Variants in VMAC observed in about 807,000 individuals in gnomAD.
VMAC encodes the protein vimentin-type intermediate filament-associated coiled-coil protein.
A neutral mutation model predicts 4.8 loss-of-function variants in VMAC; 8 were observed. The observed-to-expected ratio is 1.68, with a 90% CI of 0.99 to 3.03. The LOEUF is 3.03. VMAC is among the 30% of genes most tolerant of loss of function. The pLI, the probability that VMAC is intolerant of heterozygous loss-of-function variation, is 0.00. For synonymous variants in VMAC, 96 were observed against 113.7 expected, an observed-to-expected ratio of 0.84 and a Z score of 0.99; for missense variants, 248 against 245.1, an observed-to-expected ratio of 1.01 and a Z score of -0.08.
At chr19:5,905,979 C>A (rs567729930) in intron 1 of VMAC, among the ~76,000 whole-genome samples, 34 of 151,564 alleles carry the variant, frequency 2.2e-4, no homozygotes, top group African/African-American at 7.3e-4. Context: ...ACAGGCTAAG[C>A]CACCATGCCT....
rs896992936 is a variant in VMAC at position 5,905,022 on chromosome 19, G to A, written c.132G>A (p.Leu44=). The change falls in exon 1 of 2, where the codon CTG becomes CTA. Residue 44 remains leucine, a synonymous_variant. Transcript: ENST00000339485. ...CGGTGCACGCCCAAGCCGAGCGCCT[G>A]GCCCTCCACGACCAGCAGCTGCGCG... The part of the protein sequence containing the change: ...ERTVHAQAER[L]ALHDQQLRAA... 1.4e-6 allele frequency: 2 copies of A among 1,403,926 alleles called. No individual in the cohort carries two copies. The highest frequency in any genetic ancestry group is 1.8e-6 in the Non-Finnish European group (2 of 1,087,202). 87.0% of individuals were successfully genotyped at this position (1,403,926 alleles called of 1,614,324 possible).
chr19:5,908,684 C>T lies in VMAC; in HGVS notation c.192-140C>T, dbSNP rs559901676. ...AACAAAGAAACATTCTGTTCATAAC[C>T]AGGGAGGACCCTGAGGCAGTGGTGA... is the stretch of plus-strand genomic sequence containing the variant. On this transcript the variant is annotated intron_variant, in intron 1 of 1. Coordinates refer to ENST00000339485, the MANE Select transcript of VMAC (RefSeq NM_001017921.4). The surrounding 1 kb of genome is among the most constrained non-coding windows in gnomAD (Gnocchi z 4.5). 127 of 631,898 alleles carry T rather than the reference C, an allele frequency of 2.0e-4. 1 individual carries two copies. In the South Asian group the frequency reaches 2.6e-3, roughly 13 times the overall value. 39.1% of individuals were successfully genotyped at this position (631,898 alleles called of 1,614,324 possible).
At chr19:5,907,609 C>A (rs1426615396) in intron 1 of VMAC, among the ~76,000 whole-genome samples, 1 of 4,890 alleles carries the variant, frequency 2.0e-4, no homozygotes, top group South Asian at 4.9e-3. Context: ...CCTGTCTCTA[C>A]TAAAAAAAAA....
chr19:5,907,073 G>C (rs1599701336), intron 1 of VMAC, among the ~76,000 whole-genome samples: 1 of 152,136 alleles, frequency 6.6e-6, no homozygotes, highest in East Asian at 1.9e-4. Context: ...GCTTAAACAA[G>C]AGGTTTGTTT....
At chr19:5,907,998 T>A (rs1469697612) in intron 1 of VMAC, among the ~76,000 whole-genome samples, 1 of 152,172 alleles carries the variant, frequency 6.6e-6, no homozygotes, top group Admixed American at 6.6e-5. Context: ...AATGGACTAA[T>A]ACACCTCCCA....
rs1473153175 is a variant in VMAC at position 5,908,350 on chromosome 19, C to G, written c.192-474C>G. On this transcript the variant is annotated intron_variant, in intron 1 of 1. Coordinates refer to ENST00000339485, the MANE Select transcript of VMAC (RefSeq NM_001017921.4). This position sits in a 1 kb window ranked among gnomAD's most constrained non-coding sequence, Gnocchi z 4.5. ...TATAATAATAGGCTGGGCGTGGTGG[C>G]TCACGCCTGTAATCCCAGCACTTTG... Among the ~76,000 whole-genome samples the G allele has an allele frequency of 6.6e-6, 1 of 150,880 alleles. No homozygotes were observed. The highest frequency in any genetic ancestry group is 1.5e-5 in the Non-Finnish European group (1 of 67,806).
Position 5,907,610 on chromosome 19 carries a change from T to TAAAAAAATAAAA in VMAC, c.192-1207_192-1206insTAAAAAAAAAAA. Among the ~76,000 whole-genome samples the TAAAAAAATAAAA allele has an allele frequency of 1.1e-4, 2 of 18,690 alleles. 1 individual carries two copies. The highest frequency in any genetic ancestry group is 3.5e-3 in the East Asian group (2 of 564). The allele number at this position is 18,690 out of a possible 152,430, so 12.3% of individuals were successfully genotyped here. ...CAACATGGTGAAACCCTGTCTCTAC[T>TAAAAAAATAAAA]AAAAAAAAAAAAAAAAAAAAAAAAA... On this transcript the variant is annotated intron_variant, in intron 1 of 1. Coordinates refer to ENST00000339485, the MANE Select transcript of VMAC (RefSeq NM_001017921.4).
At position 5,909,334 on chromosome 19, in the gene VMAC, GTTC is replaced by G. The variant is rs534929901; in HGVS notation, c.*195_*197del. 847 of 559,566 alleles carry G rather than the reference GTTC, an allele frequency of 1.5e-3. 2 individuals carry two copies. Among genetic ancestry groups the G allele is most frequent in the Non-Finnish European group, 2.2e-3 (720 of 332,712 alleles). The allele number at this position is 559,566 out of a possible 1,614,324, so 34.7% of individuals were successfully genotyped here. On this transcript the variant is annotated 3_prime_UTR_variant, in exon 2 of 2. Transcript: ENST00000339485. ...GCAGACGTTTAACCCAGACAGAAGT[GTTC>G]TTGTTTGTTTTTAAGCTTTGAATCA... is the stretch of plus-strand genomic sequence containing the variant.
In VMAC at chr19:5,909,503, A is replaced by G. The variant is rs1436278154; in HGVS notation, c.*361A>G. ...TTTTTTGTTTTTTTTTTTTTAAGAC[A>G]GAGTCCCACTCTGTCGCCCTGGCTG... On this transcript the variant is annotated 3_prime_UTR_variant, in exon 2 of 2. Transcript: ENST00000339485. The G allele has an allele frequency of 4.7e-6, 1 of 211,738 alleles. No homozygotes were observed. Among genetic ancestry groups the G allele is most frequent in the Non-Finnish European group, 9.3e-6 (1 of 107,748 alleles). 13.1% of individuals were successfully genotyped at this position (211,738 alleles called of 1,614,324 possible).
In VMAC at chr19:5,909,156, A is replaced by G; in HGVS notation, c.*14A>G. 6.5e-7 allele frequency: 1 copy of G among 1,528,360 alleles called. No individual in the cohort carries two copies. The highest frequency in any genetic ancestry group is 8.7e-7 in the Non-Finnish European group (1 of 1,145,092). 94.7% of individuals were successfully genotyped at this position (1,528,360 alleles called of 1,614,324 possible). A position where few individuals can be genotyped will look rare whatever the true frequency, so the allele number is the denominator to read the frequency against. On this transcript the variant is annotated 3_prime_UTR_variant, in exon 2 of 2. Transcript: ENST00000339485. Reference sequence around the variant, plus strand: ...ACCACAGTGTGAGCCCGGAATGCAGATTACAGAATGGAGACAGAAAGCCAC... The same window carrying G: ...ACCACAGTGTGAGCCCGGAATGCAGGTTACAGAATGGAGACAGAAAGCCAC...
chr19:5,905,086 G>C lies in VMAC; in HGVS notation c.191+5G>C. 7.4e-7 allele frequency: 1 copy of C among 1,347,062 alleles called. No homozygotes were observed. 83.4% of individuals were successfully genotyped at this position (1,347,062 alleles called of 1,614,324 possible). A position where few individuals can be genotyped will look rare whatever the true frequency, so the allele number is the denominator to read the frequency against. On this transcript the variant is annotated splice_donor_5th_base_variant and intron_variant, in intron 1 of 1. Transcript: ENST00000339485. Reference sequence around the variant, plus strand: ...ACTGGGTCGCGCCAAGGACCGGTGAGGCCCGGGGCCGGCCAGGTGGACTTC... The same window carrying C: ...ACTGGGTCGCGCCAAGGACCGGTGACGCCCGGGGCCGGCCAGGTGGACTTC...
Position 5,908,625 on chromosome 19 carries a change from T to A in VMAC, c.192-199T>A, listed in dbSNP as rs545899529. Among the ~76,000 whole-genome samples the A allele has an allele frequency of 1.7e-3, 221 of 130,124 alleles. 2 individuals carry two copies. Among genetic ancestry groups the A allele is most frequent in the African/African-American group, 5.7e-3 (200 of 35,266 alleles). 85.4% of individuals were successfully genotyped at this position (130,124 alleles called of 152,430 possible). Reference sequence around the variant, plus strand: ...AGCTAGACTTCGTCTCAAAAAAAAATAATAATAAAATAAAATATAATAATA... The same window carrying A: ...AGCTAGACTTCGTCTCAAAAAAAAAAAATAATAAAATAAAATATAATAATA... On this transcript the variant is annotated intron_variant, in intron 1 of 1. Coordinates refer to ENST00000339485, the MANE Select transcript of VMAC (RefSeq NM_001017921.4). This position sits in a 1 kb window ranked among gnomAD's most constrained non-coding sequence, Gnocchi z 4.5.
Position 5,908,342 on chromosome 19 carries a change from C to T in VMAC, c.192-482C>T, listed in dbSNP as rs749062124. ...TCAGAAATTATAATAATAGGCTGGG[C>T]GTGGTGGCTCACGCCTGTAATCCCA... On this transcript the variant is annotated intron_variant, in intron 1 of 1. Transcript: ENST00000339485. This position sits in a 1 kb window ranked among gnomAD's most constrained non-coding sequence, Gnocchi z 4.5. Among the ~76,000 whole-genome samples, 8 of 149,672 alleles carry T rather than the reference C, an allele frequency of 5.3e-5. No individual in the cohort carries two copies. The highest frequency in any genetic ancestry group is 8.9e-5 in the Non-Finnish European group (6 of 67,620).
chr19:5,908,548 G>A lies in VMAC; in HGVS notation c.192-276G>A, dbSNP rs886274660. 3.3e-5 allele frequency among the ~76,000 whole-genome samples: 5 copies of A among 151,722 alleles called. No homozygotes were observed. Among genetic ancestry groups the A allele is most frequent in the African/African-American group, 9.7e-5 (4 of 41,260 alleles). ...GGAGAATTGCTTGAACCCTGGAGCC[G>A]GAAGTTGCAGTGAGCTGAGATTGCA... On this transcript the variant is annotated intron_variant, in intron 1 of 1. Transcript: ENST00000339485. This position sits in a 1 kb window ranked among gnomAD's most constrained non-coding sequence, Gnocchi z 4.5.
Position 5,909,153 on chromosome 19 carries a change from C to T in VMAC, c.*11C>T, listed in dbSNP as rs1490048393. ...GGGACCACAGTGTGAGCCCGGAATG[C>T]AGATTACAGAATGGAGACAGAAAGC... is the stretch of plus-strand genomic sequence containing the variant. On this transcript the variant is annotated 3_prime_UTR_variant, in exon 2 of 2. Transcript: ENST00000339485. The T allele has an allele frequency of 6.5e-7, 1 of 1,529,764 alleles. No individual in the cohort carries two copies. The highest frequency in any genetic ancestry group is 1.2e-5 in the South Asian group (1 of 83,132). 94.8% of individuals were successfully genotyped at this position (1,529,764 alleles called of 1,614,324 possible).
chr19:5,910,821 C>CTTTCTTTCTTTCTTTTTTTTTTTTT lies in VMAC; in HGVS notation c.*1682_*1683insCTTTCTTTCTTTTTTTTTTTTTTTT, dbSNP rs1568436262. 1.4e-5 allele frequency: 2 copies of CTTTCTTTCTTTCTTTTTTTTTTTTT among 142,954 alleles called. No homozygotes were observed. Among genetic ancestry groups the CTTTCTTTCTTTCTTTTTTTTTTTTT allele is most frequent in the African/African-American group, 2.7e-5 (1 of 36,476 alleles). The allele number at this position is 142,954 out of a possible 1,614,324, so 8.9% of individuals were successfully genotyped here. A position where few individuals can be genotyped will look rare whatever the true frequency, so the allele number is the denominator to read the frequency against. On this transcript the variant is annotated 3_prime_UTR_variant, in exon 2 of 2. Coordinates refer to ENST00000339485, the MANE Select transcript of VMAC (RefSeq NM_001017921.4). ...GAAATTCTGTTTTCTTTCTTTCTTT[C>CTTTCTTTCTTTCTTTTTTTTTTTTT]TTTTTTTTTTAAAGAGACAAAGTCT...
chr19:5,910,247 G>A lies in VMAC; in HGVS notation c.*1105G>A, dbSNP rs938449760. 1 of 152,268 alleles carries A rather than the reference G, an allele frequency of 6.6e-6. No individual in the cohort carries two copies. The highest frequency in any genetic ancestry group is 2.4e-5 in the African/African-American group (1 of 41,452). 9.4% of individuals were successfully genotyped at this position (152,268 alleles called of 1,614,324 possible). ...TAAACCGGATGATTTCCTGGCCTGG[G>A]GGCAAGAGGGAGGCCCTCTGTGTTA... On this transcript the variant is annotated 3_prime_UTR_variant, in exon 2 of 2. Transcript: ENST00000339485.
In VMAC at chr19:5,910,657, G is replaced by A. The variant is rs2057694485; in HGVS notation, c.*1515G>A. 6.9e-6 allele frequency: 1 copy of A among 145,482 alleles called. No homozygotes were observed. The highest frequency in any genetic ancestry group is 1.5e-5 in the Non-Finnish European group (1 of 66,774). 9.0% of individuals were successfully genotyped at this position (145,482 alleles called of 1,614,324 possible). On this transcript the variant is annotated 3_prime_UTR_variant, in exon 2 of 2. Coordinates refer to ENST00000339485, the MANE Select transcript of VMAC (RefSeq NM_001017921.4). ...TGCACTCCAGCCTGGGAGACAGAGT[G>A]AGACTCAGTCTCAAAGAAAACAACA... is the stretch of plus-strand genomic sequence containing the variant.
chr19:5,907,978 G>C (rs1321033599), intron 1 of VMAC, among the ~76,000 whole-genome samples: 3 of 152,156 alleles, frequency 2.0e-5, no homozygotes, highest in Non-Finnish European at 4.4e-5. Flanking sequence ...TGTCCTTAGA[G>C]CATCGTGAGA....
Sources: gnomAD v4.1 joint callset for allele counts (sites outside exome capture counted in the v4.1 genomes callset) on GRCh38, gnomAD v4.1.1 for gene constraint, Gnocchi (gnomAD v3.1) non-coding constraint, MANE v1.5 for transcripts, NCBI Gene and HGNC (gene_info 2026-07-23, HGNC 2026-07-21) for gene names.